MAP2K2: variants seen among roughly 807,000 people sequenced by gnomAD.
MAP2K2 encodes dual specificity mitogen-activated protein kinase kinase 2.
Under a neutral mutation model 43.7 loss-of-function variants are expected in MAP2K2, and 24 were observed. The observed-to-expected ratio is 0.55, with a 90% CI of 0.40 to 0.77. The LOEUF is 0.77. Among genes scored for constraint, MAP2K2 ranks in the 30% least tolerant of loss-of-function variants. MAP2K2 has a pLI of 0.00. For missense variants in MAP2K2, 470 were observed against 566.8 expected (o/e 0.83, Z 1.73); for synonymous variants, 244 against 239.7 (o/e 1.02, Z -0.17).
intron 3 of MAP2K2, among the ~76,000 whole-genome samples, chr19:4,105,956 C>G (rs1249026525): frequency 6.6e-6 from 1 of 152,136 alleles, no homozygotes; most frequent in African/African-American, 2.4e-5. Context: ...AGCACCTGGC[C>G]CCCGCATCTT....
chr19:4,102,267 G>A (rs1029945193), intron 4 of MAP2K2, 109 bp downstream of exon 4: 139 of 945,266 alleles, frequency 1.5e-4, no homozygotes, highest in East Asian at 4.7e-4. Flanking sequence ...TTCTGCAGGG[G>A]CCACCCTAAC....
chr19:4,100,143 G>T (rs1005121131), intron 6 of MAP2K2: 1 of 152,256 alleles, frequency 6.6e-6, no homozygotes, highest in African/African-American at 2.4e-5. Flanking sequence ...CTACTCGGGA[G>T]GCTGAGGCAG....
intron 9 of MAP2K2, 31 bp downstream of exon 9, chr19:4,095,357 C>A (rs1024494837): frequency 4.5e-6 from 7 of 1,548,288 alleles, no homozygotes; most frequent in Non-Finnish European, 4.4e-6. Flanking sequence ...TGGGTCCCGG[C>A]CAGGGGTGTG....
intron 9 of MAP2K2, chr19:4,095,152 A>G (rs1568249995): frequency 1.9e-6 from 1 of 529,392 alleles, no homozygotes; most frequent in Non-Finnish European, 3.4e-6. Flanking sequence ...CGTCATGTGC[A>G]CAGGGCCTGC....
Position 4,107,837 on chromosome 19 carries a change from G to A in MAP2K2, c.450+2672C>T, listed in dbSNP as rs555744051. ...CATGGATGCAACACCTGTGCGTGCC[G>A]GGTGCCATCCTGGGAGGAGCTCACA... is the stretch of plus-strand genomic sequence containing the variant. On this transcript the variant is annotated intron_variant, in intron 3 of 10. Coordinates refer to ENST00000262948, the MANE Select transcript of MAP2K2 (RefSeq NM_030662.4). Among the ~76,000 whole-genome samples the A allele has an allele frequency of 1.5e-4, 23 of 152,322 alleles. 1 individual carries two copies. The South Asian group carries it at 4.3e-3, about 29-fold the overall frequency.
intron 8 of MAP2K2, among the ~76,000 whole-genome samples, chr19:4,096,148 C>T (rs879370035): frequency 3.3e-5 from 5 of 152,192 alleles, no homozygotes; most frequent in Admixed American, 6.5e-5. Context: ...CGGGAGTGGC[C>T]GTGTAAGCGG....
rs1400570102 is a variant in MAP2K2, at chr19:4,090,503, G to C, written c.*95C>G. The C allele has an allele frequency of 1.9e-6, 2 of 1,049,616 alleles. No individual in the cohort carries two copies. The highest frequency in any genetic ancestry group is 4.0e-5 in the Admixed American group (2 of 50,306). 65.0% of individuals were successfully genotyped at this position (1,049,616 alleles called of 1,614,324 possible). A position where few individuals can be genotyped will look rare whatever the true frequency, so the allele number is the denominator to read the frequency against. ...CTCCGCAGGGGTGAGGCAGGAGGGT[G>C]GGTGGAGGCGCCAGCCTGTCCTCAG... is the stretch of plus-strand genomic sequence containing the variant. On this transcript the variant is annotated 3_prime_UTR_variant, in exon 11 of 11. Coordinates refer to ENST00000262948, the MANE Select transcript of MAP2K2 (RefSeq NM_030662.4).
Position 4,099,231 on chromosome 19 carries a change from G to T in MAP2K2, c.889C>A (p.Arg297=), listed in dbSNP as rs562352756. Residue 297 remains arginine, a synonymous_variant, in exon 7 of 11, where the codon CGG becomes AGG. Coordinates refer to ENST00000262948, the MANE Select transcript of MAP2K2 (RefSeq NM_030662.4). ...ACGGGGCGCCCGGGGGGCCTCGGCC[G>T]AGGCGAGATGCTGTGAGGCTCTCCT... ...EEGEPHSISP[R]PRPPGRPVSG... 2 of 1,604,468 alleles carry T rather than the reference G, an allele frequency of 1.2e-6. No individual in the cohort carries two copies. Among genetic ancestry groups the T allele is most frequent in the East Asian group, 2.2e-5 (1 of 44,520 alleles).
intron 2 of MAP2K2, among the ~76,000 whole-genome samples, chr19:4,114,188 T>C (rs1409597741): frequency 6.6e-6 from 1 of 152,092 alleles, no homozygotes. Context: ...CGCAGTGCAG[T>C]GGATCTGGAG....
Position 4,099,324 on chromosome 19 carries a change from G to C in MAP2K2, c.796C>G (p.Pro266Ala). Residue 266 changes from proline (P) to alanine (A), a missense_variant, in exon 7 of 11, where the codon CCC becomes GCC. Pro to Ala is a conservative substitution (Grantham distance 27, BLOSUM62 -1). Coordinates refer to ENST00000262948, the MANE Select transcript of MAP2K2 (RefSeq NM_030662.4). ...TCTTTGGCGTCGGGCGGGGGGATGG[G>C]GTACCTTCCGACGGCCAGCTCCACC... ...SLVELAVGRY[P>A]IPPPDAKELE... 2 of 1,609,080 alleles carry C rather than the reference G, an allele frequency of 1.2e-6. No individual in the cohort carries two copies. Among genetic ancestry groups the C allele is most frequent in the Non-Finnish European group, 1.7e-6 (2 of 1,178,100 alleles).
intron 9 of MAP2K2, chr19:4,095,062 G>A (rs2040897449): frequency 2.2e-5 from 8 of 370,952 alleles, no homozygotes; most frequent in Admixed American, 1.6e-4. Context: ...GGCGGATCCC[G>A]GGGAGCCCAC....
chr19:4,109,984 TGGGA>T (rs1568259570), intron 3 of MAP2K2, among the ~76,000 whole-genome samples: 2 of 152,006 alleles, frequency 1.3e-5, no homozygotes, highest in African/African-American at 4.8e-5. Context: ...AAAGCAAAGC[TGGGA>T]GGAAGACATG....
At chr19:4,113,860 C>T (rs1017560446) in intron 2 of MAP2K2, among the ~76,000 whole-genome samples, 3 of 152,142 alleles carry the variant, frequency 2.0e-5, no homozygotes, top group East Asian at 1.9e-4. Context: ...GCCCCCCGGC[C>T]GCCACCCCGC....
intron 6 of MAP2K2, chr19:4,100,633 C>G (rs1568253329): frequency 1.1e-5 from 3 of 267,554 alleles, no homozygotes; most frequent in East Asian, 1.9e-4. Flanking sequence ...CTGGGCAATA[C>G]AGCGAGACCC....
chr19:4,096,064 C>T lies in MAP2K2; in HGVS notation c.985-615G>A, dbSNP rs182524273. ...TGCTGGAATTACACACCTGAGCCAC[C>T]GTGCCCGGCCAAACTGGGTCCACAG... is the stretch of plus-strand genomic sequence containing the variant. On this transcript the variant is annotated intron_variant, in intron 8 of 10. Coordinates refer to ENST00000262948, the MANE Select transcript of MAP2K2 (RefSeq NM_030662.4). Among the ~76,000 whole-genome samples the T allele has an allele frequency of 2.5e-4, 38 of 152,380 alleles. No homozygotes were observed. In the East Asian group the frequency reaches 6.4e-3, roughly 26 times the overall value.
At position 4,123,819 on chromosome 19, in the gene MAP2K2, G is replaced by A; in HGVS notation, c.57C>T (p.Ala19=). Residue 19 remains alanine (A), a synonymous_variant, in exon 1 of 11, where the codon GCC becomes GCT. Transcript: ENST00000262948. ...CCTCGCTGGTAGGGGATGGGCCCTC[G>A]GCGATGGTAGGGTTGATGGTGAGCG... ...LPALTINPTI[A]EGPSPTSEGA... is the part of the protein sequence containing the mutation. 2 of 1,567,134 alleles carry A rather than the reference G, an allele frequency of 1.3e-6. No individual in the cohort carries two copies. Among genetic ancestry groups the A allele is most frequent in the Middle Eastern group, 1.8e-4 (1 of 5,714 alleles).
chr19:4,117,739 G>A (rs557664344), intron 1 of MAP2K2, 110 bp from the exon 2 acceptor site: 2 of 925,512 alleles, frequency 2.2e-6, no homozygotes, highest in Non-Finnish European at 3.5e-6. Context: ...CTGGATTCCT[G>A]CACTTGAGGG....
intron 3 of MAP2K2, among the ~76,000 whole-genome samples, chr19:4,107,832 G>A (rs1052114815): frequency 1.3e-5 from 2 of 152,240 alleles, no homozygotes; most frequent in African/African-American, 4.8e-5. Flanking sequence ...ACACCTGTGC[G>A]TGCCGGGTGC....
chr19:4,111,107 G>T (rs1261732942), intron 2 of MAP2K2, among the ~76,000 whole-genome samples: 1 of 152,188 alleles, frequency 6.6e-6, no homozygotes, highest in East Asian at 1.9e-4. Context: ...AGACAGGAAG[G>T]GGATGTGTGG....
Sources: gnomAD v4.1 joint callset for allele counts (sites outside exome capture counted in the v4.1 genomes callset) on GRCh38, gnomAD v4.1.1 for gene constraint, MANE v1.5 for transcripts, NCBI Gene and HGNC (gene_info 2026-07-23, HGNC 2026-07-21) for gene names.